Variants in RAB19 observed in about 807,000 individuals in gnomAD.
RAB19 encodes ras-related protein Rab-19.
RAB19 carries 21 observed loss-of-function variants against 17.3 expected under a neutral mutation model. The observed-to-expected ratio is 1.21, with a 90% CI of 0.86 to 1.74. RAB19 has a LOEUF of 1.74. Among genes scored for constraint, RAB19 ranks in the 40% most tolerant of loss-of-function variants. RAB19 has a pLI of 0.00. For missense variants in RAB19, 277 were observed against 286.8 expected, an observed-to-expected ratio of 0.97 and a Z score of 0.25; for synonymous variants, 126 against 110.4, an observed-to-expected ratio of 1.14 and a Z score of -0.88.
intron 2 of RAB19, chr7:140,411,147 C>G: frequency 7.4e-7 from 1 of 1,359,174 alleles, no homozygotes; most frequent in Non-Finnish European, 9.8e-7. Flanking sequence ...CGCCTGTAAT[C>G]TCAGCACTTT....
intron 2 of RAB19, among the ~76,000 whole-genome samples, chr7:140,411,366 C>T (rs570530924): frequency 1.3e-5 from 2 of 152,088 alleles, no homozygotes; most frequent in African/African-American, 4.8e-5. Flanking sequence ...CGCCACTGCA[C>T]GCCAGCCTGG....
chr7:140,407,231 A>T (rs1433388293), intron 1 of RAB19, among the ~76,000 whole-genome samples: 1 of 152,118 alleles, frequency 6.6e-6, no homozygotes, highest in African/African-American at 2.4e-5. Context: ...CCCCAGGTGA[A>T]ATTGACACTA....
intron 3 of RAB19, among the ~76,000 whole-genome samples, chr7:140,420,143 G>A (rs1199691340): frequency 1.3e-5 from 2 of 151,748 alleles, no homozygotes; most frequent in African/African-American, 2.4e-5. Context: ...GAGCAGGGCT[G>A]GGCACAGTGG....
intron 3 of RAB19, among the ~76,000 whole-genome samples, chr7:140,424,607 C>CAA: frequency 1.0e-5 from 1 of 95,304 alleles, no homozygotes; most frequent in Admixed American, 1.1e-4. Context: ...CTCTCTCTCT[C>CAA]TCTCTCTCTC....
At chr7:140,419,792 C>T (rs1356846366) in intron 3 of RAB19, among the ~76,000 whole-genome samples, 7 of 152,184 alleles carry the variant, frequency 4.6e-5, no homozygotes, top group East Asian at 1.9e-4. Context: ...TCCTCACCAA[C>T]ATCTGGTGCT....
At chr7:140,410,313 C>CTTTT (rs762151021) in intron 2 of RAB19, among the ~76,000 whole-genome samples, 2,275 of 81,018 alleles carry the variant, frequency 0.028, 149 homozygotes, top group African/African-American at 0.041. Context: ...TTGTATTTTT[C>CTTTT]TTTTTTTTTT....
intron 3 of RAB19, among the ~76,000 whole-genome samples, chr7:140,417,734 C>T (rs919470805): frequency 6.6e-6 from 1 of 152,194 alleles, no homozygotes; most frequent in Admixed American, 6.5e-5. Flanking sequence ...ATGGAGGTGT[C>T]AGCAGGGCCG....
chr7:140,422,476 T>C (rs1799578509), intron 3 of RAB19, among the ~76,000 whole-genome samples: 1 of 152,090 alleles, frequency 6.6e-6, no homozygotes, highest in Non-Finnish European at 1.5e-5. Context: ...TCTGAGCTGT[T>C]TTTCCTCTCC....
At chr7:140,416,010 G>A (rs1328308958) in intron 3 of RAB19, among the ~76,000 whole-genome samples, 1 of 151,566 alleles carries the variant, frequency 6.6e-6, no homozygotes, top group Non-Finnish European at 1.5e-5. Flanking sequence ...TTCAACATCA[G>A]CCTGGGCAAC....
chr7:140,415,778 G>A (rs1329944713), intron 3 of RAB19, among the ~76,000 whole-genome samples: 3 of 132,356 alleles, frequency 2.3e-5, no homozygotes, highest in East Asian at 2.2e-4. Flanking sequence ...GGTGGTGCAC[G>A]CCTGGAGTCC....
At chr7:140,411,677 C>G (rs552586617) in intron 2 of RAB19, 197 bp from the exon 3 acceptor site, 2 of 1,311,882 alleles carry the variant, frequency 1.5e-6, no homozygotes, top group Non-Finnish European at 1.0e-6. Context: ...GATGGTCGTT[C>G]CCCAACCAAG....
intron 3 of RAB19, among the ~76,000 whole-genome samples, chr7:140,419,067 G>GT (rs1447992366): frequency 2.2e-4 from 23 of 106,508 alleles, no homozygotes; most frequent in African/African-American, 7.8e-4. Flanking sequence ...TTGTTTTGTG[G>GT]TTTGTTTTTT....
intron 3 of RAB19, among the ~76,000 whole-genome samples, chr7:140,415,798 A>G (rs1434046093): frequency 1.3e-5 from 2 of 151,596 alleles, no homozygotes; most frequent in African/African-American, 2.4e-5. Context: ...CCAGCTACTC[A>G]GGAGGCTGAG....
intron 3 of RAB19, among the ~76,000 whole-genome samples, chr7:140,413,250 T>C (rs1226314880): frequency 6.6e-6 from 1 of 152,248 alleles, no homozygotes; most frequent in Non-Finnish European, 1.5e-5. Flanking sequence ...TGTGTCTGTT[T>C]TTATCAGTAC....
At chr7:140,411,476 G>A (rs1235800161) in intron 2 of RAB19, among the ~76,000 whole-genome samples, 1 of 151,332 alleles carries the variant, frequency 6.6e-6, no homozygotes, top group Non-Finnish European at 1.5e-5. Context: ...CCTGGGCCAT[G>A]TTGGAAGAAG....
chr7:140,411,117 C>T (rs1015507173), intron 2 of RAB19: 26 of 1,366,832 alleles, frequency 1.9e-5, no homozygotes, highest in South Asian at 1.1e-4. Flanking sequence ...GCCCACCTCT[C>T]GGCCGGGCGC....
In RAB19 at chr7:140,425,992, AAGAAC is replaced by A; in HGVS notation, c.498_502del (p.Lys166AsnfsTer44). 1 of 1,614,182 alleles carries A rather than the reference AAGAAC, an allele frequency of 6.2e-7. No individual in the cohort carries two copies. Among genetic ancestry groups the A allele is most frequent in the African/African-American group, 1.3e-5 (1 of 75,054 alleles). On this transcript the variant is annotated frameshift_variant, in exon 4 of 4. Coordinates refer to ENST00000537763, the MANE Select transcript of RAB19 (RefSeq NM_001008749.3). LOFTEE classifies it high-confidence loss of function. ...TTTGGAGACATCTGCCAAGGAGTCA[AAGAAC>A]ATAGAAGAAGTCTTCGTGCTCATGG...
intron 2 of RAB19, among the ~76,000 whole-genome samples, chr7:140,410,084 G>A (rs1430925558): frequency 6.6e-6 from 1 of 151,054 alleles, no homozygotes; most frequent in African/African-American, 2.4e-5. Flanking sequence ...GATGAAGCAA[G>A]TAACAAAATC....
At chr7:140,413,986 G>T (rs1799411955) in intron 3 of RAB19, among the ~76,000 whole-genome samples, 1 of 152,164 alleles carries the variant, frequency 6.6e-6, no homozygotes, top group Non-Finnish European at 1.5e-5. Context: ...CACAGTGGAG[G>T]CAGTTCTTCC....
Sources: gnomAD v4.1 joint callset for allele counts (sites outside exome capture counted in the v4.1 genomes callset) on GRCh38, gnomAD v4.1.1 for gene constraint, MANE v1.5 for transcripts, NCBI Gene and HGNC (gene_info 2026-07-23, HGNC 2026-07-21) for gene names.